Variants in KDM6B observed in about 807,000 individuals in gnomAD.
The protein encoded by KDM6B is lysine-specific demethylase 6B.
In KDM6B, 22 loss-of-function variants were observed where a neutral mutation model predicts 150.4. The observed-to-expected ratio is 0.15, with a 90% CI of 0.10 to 0.21. The LOEUF is 0.21. Ranked by LOEUF, KDM6B falls within the 10% of genes least tolerant of loss-of-function variation. The pLI, the probability that KDM6B is intolerant of heterozygous loss-of-function variation, is 1.00. For missense variants in KDM6B, 1,984 were observed against 2,234.3 expected, an observed-to-expected ratio of 0.89 and a Z score of 2.26; for synonymous variants, 1,148 against 921.1, an observed-to-expected ratio of 1.25 and a Z score of -4.46.
chr17:7,846,751 A>G lies in KDM6B; in HGVS notation c.711+11A>G, dbSNP rs1388045862. 1.2e-6 allele frequency: 2 copies of G among 1,613,836 alleles called. No homozygotes were observed. The highest frequency in any genetic ancestry group is 2.2e-5 in the East Asian group (1 of 44,888). On this transcript the variant is annotated intron_variant, in intron 9 of 23. Coordinates refer to ENST00000448097, the MANE Select transcript of KDM6B (RefSeq NM_001348716.2). ...TGCAACTCTGAACAGGTGTGGGTAT[A>G]GGGGGGCCAGCAGGCAGTAAGTAGG...
In KDM6B at chr17:7,848,861, A is replaced by G. The variant is rs1323411174; in HGVS notation, c.2573A>G (p.Gln858Arg). ...LPPTSAAPSA[Q>R]GSPQPSASSS... ...CCCACCTCAGCGGCCCCTAGCGCCC[A>G]GGGCTCCCCACAGCCCTCTGCTTCC... The change falls in exon 12 of 24, where the codon CAG becomes CGG. Residue 858 changes from glutamine to arginine, a missense_variant. Coordinates refer to ENST00000448097, the MANE Select transcript of KDM6B (RefSeq NM_001348716.2). The G allele has an allele frequency of 1.2e-6, 2 of 1,609,886 alleles. No homozygotes were observed. The highest frequency in any genetic ancestry group is 3.3e-5 in the Admixed American group (2 of 59,852).
chr17:7,853,948 C>G lies in KDM6B; in HGVS notation c.*427C>G, dbSNP rs1250990962. On this transcript the variant is annotated 3_prime_UTR_variant, in exon 24 of 24. Transcript: ENST00000448097. ...GCCGAGGTTTTTAATGAGATTCTTT[C>G]TATGGGCTTTACCCCTCCCCCGGAA... 6.3e-6 allele frequency: 1 copy of G among 158,680 alleles called. No homozygotes were observed. The highest frequency in any genetic ancestry group is 2.4e-5 in the African/African-American group (1 of 41,700). The allele number at this position is 158,680 out of a possible 1,614,324, so 9.8% of individuals were successfully genotyped here.
chr17:7,853,060 A>C lies in KDM6B; in HGVS notation c.4671A>C (p.Ala1557=). The change falls in exon 22 of 24, where the codon GCA becomes GCC. Residue 1557 remains alanine (A), a synonymous_variant. Coordinates refer to ENST00000448097, the MANE Select transcript of KDM6B (RefSeq NM_001348716.2). ...TGCAACGCGAGAGCCTGGTGCGGGCAGGGAAGAAAATCGCTTACCAGGGCC... is the reference window on the plus strand; with the variant it reads ...TGCAACGCGAGAGCCTGGTGCGGGCCGGGAAGAAAATCGCTTACCAGGGCC... ...CQVQRESLVR[A]GKKIAYQGRV... is the part of the protein sequence containing the mutation. The C allele has an allele frequency of 5.0e-6, 8 of 1,614,090 alleles. No homozygotes were observed. The highest frequency in any genetic ancestry group is 6.8e-6 in the Non-Finnish European group (8 of 1,180,008).
chr17:7,848,600 CACCACCAGCCCT>C lies in KDM6B; in HGVS notation c.2320_2331del (p.Ala774_Pro777del). On this transcript the variant is annotated inframe_deletion, in exon 12 of 24. Coordinates refer to ENST00000448097, the MANE Select transcript of KDM6B (RefSeq NM_001348716.2). The stretch of plus-strand genomic sequence containing the variant: ...GCCACCCAGGAAGAGGAGAAGAAGC[CACCACCAGCCCT>C]ACCACCACCACCGCCTCTAGCCAAG... 6.3e-7 allele frequency: 1 copy of C among 1,598,908 alleles called. No homozygotes were observed. The highest frequency in any genetic ancestry group is 8.5e-7 in the Non-Finnish European group (1 of 1,173,664).
At chr17:7,847,060 C>G (rs1279030151) in intron 10 of KDM6B, 44 bp downstream of exon 10, 2 of 1,610,836 alleles carry the variant, frequency 1.2e-6, no homozygotes, top group African/African-American at 2.7e-5. Context: ...CTACAAGTCC[C>G]ACGCTCTCTA....
Position 7,848,246 on chromosome 17 carries a change from C to T in KDM6B, c.1958C>T (p.Pro653Leu), listed in dbSNP as rs2078606543. The change falls in exon 12 of 24, where the codon CCC becomes CTC. Residue 653 changes from proline to leucine, a missense_variant. Around this residue, in one of 13 missense-constraint regions of KDM6B, gnomAD observed 1,379 missense variants for 1,275.6 expected, o/e 1.08. Transcript: ENST00000448097. ...GPPPGPLSKAPQPVPPGVGEL... is the reference protein window; with the variant it reads ...GPPPGPLSKALQPVPPGVGEL... ...CCCCCAGGCCCCCTGAGTAAAGCCCCCCAGCCTGTGCCGCCCGGGGTTGGG... is the reference window on the plus strand; with the variant it reads ...CCCCCAGGCCCCCTGAGTAAAGCCCTCCAGCCTGTGCCGCCCGGGGTTGGG... 2 of 1,612,416 alleles carry T rather than the reference C, an allele frequency of 1.2e-6. No homozygotes were observed. The highest frequency in any genetic ancestry group is 1.7e-6 in the Non-Finnish European group (2 of 1,179,748).
rs1466002673 is a variant in KDM6B, at chr17:7,852,491, G to A, written c.4469-4G>A. Reference sequence around the variant, plus strand: ...GTCCTGTTGTGATCGCCTTTGGCCCGCAGCCTATCAGTACCAGCTGGCCCT... The same window carrying A: ...GTCCTGTTGTGATCGCCTTTGGCCCACAGCCTATCAGTACCAGCTGGCCCT... On this transcript the variant is annotated splice_polypyrimidine_tract_variant and splice_region_variant and intron_variant, in intron 20 of 23. Coordinates refer to ENST00000448097, the MANE Select transcript of KDM6B (RefSeq NM_001348716.2). 1.9e-6 allele frequency: 3 copies of A among 1,605,342 alleles called. No homozygotes were observed. Among genetic ancestry groups the A allele is most frequent in the Admixed American group, 1.7e-5 (1 of 58,844 alleles).
chr17:7,842,090 G>A (rs1029958939), intron 2 of KDM6B, among the ~76,000 whole-genome samples: 17 of 152,236 alleles, frequency 1.1e-4, no homozygotes, highest in Admixed American at 6.5e-5. Context: ...GTGAGTTTGC[G>A]TGCGCACTTC....
chr17:7,851,307 C>T, intron 15 of KDM6B, 23 bp from the exon 16 acceptor site: 1 of 1,613,958 alleles, frequency 6.2e-7, no homozygotes, highest in Non-Finnish European at 8.5e-7. Context: ...TGACCCAGGC[C>T]TGCCTACCCT....
Position 7,845,585 on chromosome 17 carries a change from C to A in KDM6B, c.31C>A (p.Arg11Ser), listed in dbSNP as rs757487883. The A allele has an allele frequency of 6.2e-7, 1 of 1,614,106 alleles. No homozygotes were observed. The stretch of plus-strand genomic sequence containing the variant: ...TCGGGCAGTGGACCCTCCAGGGGCC[C>A]GCGCTGCACGGGAAGCCTTTGCCCT... MHRAVDPPGA[R>S]AAREAFALGG... The change falls in exon 5 of 24, where the codon CGC (arginine) becomes AGC (serine). Residue 11 changes from arginine to serine, a missense_variant. Physicochemically the swap from Arg to Ser is moderately radical, Grantham distance 110 (BLOSUM62 -1). Coordinates refer to ENST00000448097, the MANE Select transcript of KDM6B (RefSeq NM_001348716.2).
In KDM6B at chr17:7,848,681, C is replaced by G; in HGVS notation, c.2393C>G (p.Pro798Arg). 2 of 1,611,338 alleles carry G rather than the reference C, an allele frequency of 1.2e-6. No individual in the cohort carries two copies. The highest frequency in any genetic ancestry group is 1.7e-6 in the Non-Finnish European group (2 of 1,179,684). ...CCACAGCCACCACCACCCCCACCCC[C>G]CAGCCCGGCCAGCCTGCTCAAATCC... ...SQPQPPPPPPPSPASLLKSLA... is the reference protein window; with the variant it reads ...SQPQPPPPPPRSPASLLKSLA... The change falls in exon 12 of 24, where the codon CCC becomes CGC. Residue 798 changes from proline (P) to arginine (R), a missense_variant. Pro to Arg is a moderately radical substitution (Grantham distance 103). Coordinates refer to ENST00000448097, the MANE Select transcript of KDM6B (RefSeq NM_001348716.2).
chr17:7,845,881 C>T lies in KDM6B; in HGVS notation c.147C>T (p.Ala49=). Reference sequence around the variant, plus strand: ...CTCCTTCTCTCTCCAGATGCTCAGCCAGCATTGGGCAGCCCCCGCTTCCTG... The same window carrying T: ...CTCCTTCTCTCTCCAGATGCTCAGCTAGCATTGGGCAGCCCCCGCTTCCTG... ...SAWLPGGRCS[A]SIGQPPLPAP... is the part of the protein sequence containing the mutation. The change falls in exon 6 of 24, where the codon GCC becomes GCT. Residue 49 remains alanine (A), a synonymous_variant. Transcript: ENST00000448097. 1 of 1,613,732 alleles carries T rather than the reference C, an allele frequency of 6.2e-7. No individual in the cohort carries two copies. Among genetic ancestry groups the T allele is most frequent in the Non-Finnish European group, 8.5e-7 (1 of 1,179,606 alleles).
In KDM6B at chr17:7,846,672, T is replaced by C. The variant is rs2078546281; in HGVS notation, c.643T>C (p.Ser215Pro). ...GCAGCCTGTGCCTCCTGCAGCACTC[T>C]CAGGCCCCTCAGGGGAGGAGGGCCT... The part of the protein sequence containing the change: ...VVQPVPPAAL[S>P]GPSGEEGLSP... The change falls in exon 9 of 24, where the codon TCA (serine) becomes CCA (proline). Residue 215 changes from serine (S) to proline (P), a missense_variant. Physicochemically the swap from Ser to Pro is moderately conservative, Grantham distance 74 (BLOSUM62 -1). Coordinates refer to ENST00000448097, the MANE Select transcript of KDM6B (RefSeq NM_001348716.2). 1 of 1,614,094 alleles carries C rather than the reference T, an allele frequency of 6.2e-7. No individual in the cohort carries two copies. Among genetic ancestry groups the C allele is most frequent in the South Asian group, 1.1e-5 (1 of 91,086 alleles).
Position 7,847,078 on chromosome 17 carries a change from T to C in KDM6B, c.910-27T>C, listed in dbSNP as rs745339176. On this transcript the variant is annotated intron_variant, in intron 10 of 23. Transcript: ENST00000448097. ...CAAGTCCCACGCTCTCTATTCCTCA[T>C]CCTGCATCCCTGTTTATCTCCTATA... The C allele has an allele frequency of 3.1e-6, 5 of 1,611,144 alleles. No homozygotes were observed. In the African/African-American group the frequency reaches 5.3e-5, roughly 17 times the overall value.
rs1304976290 is a variant in KDM6B, at chr17:7,843,461, G to A, written c.-268-1440G>A. Among the ~76,000 whole-genome samples, 1 of 152,226 alleles carries A rather than the reference G, an allele frequency of 6.6e-6. No individual in the cohort carries two copies. Among genetic ancestry groups the A allele is most frequent in the Non-Finnish European group, 1.5e-5 (1 of 68,028 alleles). On this transcript the variant is annotated intron_variant, in intron 2 of 23. Transcript: ENST00000448097. This position sits in a 1 kb window ranked among gnomAD's most constrained non-coding sequence, Gnocchi z 4.5. ...AGGGCTTGGCGGAGAGTGGCACGCA[G>A]GGACCTGTAGGGTCCAAGCGCTTCC...
chr17:7,837,569 A>T (rs567963404), intron 1 of KDM6B, among the ~76,000 whole-genome samples: 1 of 152,256 alleles, frequency 6.6e-6, no homozygotes, highest in East Asian at 1.9e-4. Context: ...GGGCTGTCAG[A>T]TCAGACCTGG....
chr17:7,846,037 G>A (rs2078527529), intron 6 of KDM6B, 41 bp from the exon 7 acceptor site: 1 of 1,540,526 alleles, frequency 6.5e-7, no homozygotes, highest in Admixed American at 1.8e-5. Context: ...GTCCCCTCAA[G>A]CCCAACCCCC....
Position 7,849,174 on chromosome 17 carries a change from T to C in KDM6B, c.2886T>C (p.Ala962=), listed in dbSNP as rs777217247. 6.2e-7 allele frequency: 1 copy of C among 1,609,170 alleles called. No individual in the cohort carries two copies. Among genetic ancestry groups the C allele is most frequent in the South Asian group, 1.1e-5 (1 of 90,568 alleles). The change falls in exon 12 of 24, where the codon GCT becomes GCC. Residue 962 remains alanine, a synonymous_variant. Coordinates refer to ENST00000448097, the MANE Select transcript of KDM6B (RefSeq NM_001348716.2). ...LLPPAQAKEE[A]GGVAAVSGSC... ...CCCCCGCACAGGCCAAGGAGGAGGC[T>C]GGCGGGGTGGCGGCAGTGTCAGGCA...
In KDM6B at chr17:7,847,598, G is replaced by T. The variant is rs199566508; in HGVS notation, c.1310G>T (p.Arg437Leu). The change falls in exon 12 of 24, where the codon CGC becomes CTC. Residue 437 changes from arginine (R) to leucine (L), a missense_variant. This residue lies in a region of KDM6B where 1,379 missense variants were observed against 1,275.6 expected (regional missense o/e 1.08). Transcript: ENST00000448097. ...TPALEVSHHG[R>L]LGPSAHSSRK... ...GCGCTGGAGGTCTCTCACCATGGCC[G>T]CCTGGGGCCCTCGGCACACAGCAGT... 1.2e-6 allele frequency: 2 copies of T among 1,612,520 alleles called. No individual in the cohort carries two copies. The highest frequency in any genetic ancestry group is 2.7e-5 in the African/African-American group (2 of 74,766).
Sources: allele counts gnomAD v4.1 joint callset (sites outside exome capture counted in the v4.1 genomes callset), GRCh38; gene constraint gnomAD v4.1.1; regional missense constraint gnomAD v4.1.1; non-coding constraint Gnocchi (gnomAD v3.1); transcripts MANE v1.5; gene names NCBI Gene and HGNC (gene_info 2026-07-23, HGNC 2026-07-21).